Variants in ZNF783 observed in about 807,000 individuals in gnomAD.
ZNF783 encodes the protein protein ZNF783.
Under a neutral mutation model 31.3 loss-of-function variants are expected in ZNF783, and 25 were observed. That is an observed-to-expected ratio of 0.80 (90% CI 0.58 to 1.11). ZNF783 has a LOEUF of 1.11. ZNF783 is among the 50% of genes most tolerant of loss of function. ZNF783 has a pLI of 0.00. For synonymous variants in ZNF783, 369 were observed against 319.1 expected, an observed-to-expected ratio of 1.16 and a Z score of -1.66; for missense variants, 797 against 760.0, an observed-to-expected ratio of 1.05 and a Z score of -0.57.
At chr7:149,276,564 C>T (rs1183825545) in intron 4 of ZNF783, 5 of 985,274 alleles carry the variant, frequency 5.1e-6, no homozygotes, top group African/African-American at 1.7e-5. Flanking sequence ...ACTATTTTAC[C>T]TTTTGATAAC....
rs1381359233 is a variant in ZNF783 at position 149,282,006 on chromosome 7, T to C, written c.1304T>C (p.Met435Thr). The change falls in exon 6 of 6, where the codon ATG becomes ACG. Residue 435 changes from methionine to threonine, a missense_variant. Met to Thr is a moderately conservative substitution (Grantham distance 81). Coordinates refer to ENST00000434415, the MANE Select transcript of ZNF783 (RefSeq NM_001195220.2). The stretch of plus-strand genomic sequence containing the variant: ...GGGCGGCGGCCTGCAGCCAGCAAGA[T>C]GTACCACTGCAGCGAGTGCCTGCGC... Reference protein sequence around the residue: ...LVGRRPAASKMYHCSECLRFF... With the variant: ...LVGRRPAASKTYHCSECLRFF... The C allele has an allele frequency of 1.3e-6, 2 of 1,583,704 alleles. No individual in the cohort carries two copies. Among genetic ancestry groups the C allele is most frequent in the South Asian group, 1.1e-5 (1 of 89,122 alleles).
rs371143528 is a variant in ZNF783 at position 149,281,557 on chromosome 7, T to C, written c.855T>C (p.Pro285=). 352 of 1,488,240 alleles carry C rather than the reference T, an allele frequency of 2.4e-4. No homozygotes were observed. Among genetic ancestry groups the C allele is most frequent in the Non-Finnish European group, 2.9e-4 (329 of 1,132,432 alleles). 92.2% of individuals were successfully genotyped at this position (1,488,240 alleles called of 1,614,324 possible). The change falls in exon 6 of 6, where the codon CCT becomes CCC. Residue 285 remains proline (P), a synonymous_variant. Coordinates refer to ENST00000434415, the MANE Select transcript of ZNF783 (RefSeq NM_001195220.2). The stretch of plus-strand genomic sequence containing the variant: ...CACAGTCTGAAGACGAGATGACGCC[T>C]GAGCGGCTCTTTCTGGGGGTGTCCC... ...TEAQSEDEMT[P]ERLFLGVSRG...
intron 4 of ZNF783, among the ~76,000 whole-genome samples, chr7:149,274,825 G>A (rs1409239048): frequency 6.6e-6 from 1 of 152,162 alleles, no homozygotes; most frequent in African/African-American, 2.4e-5. Context: ...TTTGAAGTCA[G>A]GTAATAGATT....
At chr7:149,278,592 A>C in intron 5 of ZNF783, 65 bp downstream of exon 5, 1 of 1,590,624 alleles carries the variant, frequency 6.3e-7, no homozygotes, top group South Asian at 1.1e-5. Flanking sequence ...TCACCAAGCG[A>C]TGGTGCTGAG....
At chr7:149,272,507 TAAG>T (rs1327858296) in intron 4 of ZNF783, among the ~76,000 whole-genome samples, 1 of 152,198 alleles carries the variant, frequency 6.6e-6, no homozygotes, top group Non-Finnish European at 1.5e-5. Context: ...AGTGTAATAG[TAAG>T]AAGTCTGTCA....
At position 149,281,629 on chromosome 7, in the gene ZNF783, TG is replaced by T. The variant is rs1182394457; in HGVS notation, c.932del (p.Gly311AlafsTer50). 6.5e-6 allele frequency: 10 copies of T among 1,546,274 alleles called. No individual in the cohort carries two copies. Among genetic ancestry groups the T allele is most frequent in the Non-Finnish European group, 6.9e-6 (8 of 1,158,288 alleles). On this transcript the variant is annotated frameshift_variant, in exon 6 of 6. Transcript: ENST00000434415. LOFTEE classifies it low-confidence loss of function (END_TRUNC). ...RIPRGPRNRPGGPSRHQAQGM... is the reference protein window; with the variant it reads ...RIPRGPRNRPXGPSRHQAQGM... Reference sequence around the variant, plus strand: ...TCCCCCGAGGGCCCAGGAACAGGCCTGGGGGCCCCAGCCGTCATCAGGCCCA... The same window carrying T: ...TCCCCCGAGGGCCCAGGAACAGGCCTGGGGCCCCAGCCGTCATCAGGCCCA...
At position 149,262,459 on chromosome 7, in the gene ZNF783, C is replaced by T. The variant is rs1368990147; in HGVS notation, c.24+102C>T. On this transcript the variant is annotated intron_variant, in intron 1 of 5. Coordinates refer to ENST00000434415, the MANE Select transcript of ZNF783 (RefSeq NM_001195220.2). Reference sequence around the variant, plus strand: ...GCGCGAGGCCGCGGGGTGAGAGGGCCTTGCGCGCAGCCTCCGCGCTCGTTG... The same window carrying T: ...GCGCGAGGCCGCGGGGTGAGAGGGCTTTGCGCGCAGCCTCCGCGCTCGTTG... 3 of 986,314 alleles carry T rather than the reference C, an allele frequency of 3.0e-6. No homozygotes were observed. The African/African-American group carries it at 5.2e-5, about 17-fold the overall frequency. The allele number at this position is 986,314 out of a possible 1,614,324, so 61.1% of individuals were successfully genotyped here.
chr7:149,270,824 T>C (rs914354633), intron 4 of ZNF783, among the ~76,000 whole-genome samples: 2 of 152,230 alleles, frequency 1.3e-5, no homozygotes, highest in Admixed American at 6.5e-5. Context: ...GAGATTACAA[T>C]GTGAGTGTTA....
intron 1 of ZNF783, 55 bp from the exon 2 acceptor site, chr7:149,266,280 G>T: frequency 3.4e-6 from 5 of 1,458,728 alleles, no homozygotes; most frequent in Non-Finnish European, 3.6e-6. Flanking sequence ...TTTTGAGGTG[G>T]AAGTTTTGAT....
At chr7:149,267,757 A>G (rs1797116384) in intron 4 of ZNF783, among the ~76,000 whole-genome samples, 1 of 152,138 alleles carries the variant, frequency 6.6e-6, no homozygotes, top group South Asian at 2.1e-4. Context: ...AGATTGCGCC[A>G]CTGCACTCCA....
intron 4 of ZNF783, among the ~76,000 whole-genome samples, chr7:149,271,034 G>T (rs1390738479): frequency 6.6e-6 from 1 of 152,176 alleles, no homozygotes; most frequent in Non-Finnish European, 1.5e-5. Flanking sequence ...CACCTCCCGG[G>T]TTCATGCCAT....
At position 149,267,166 on chromosome 7, in the gene ZNF783, G is replaced by T; in HGVS notation, c.617G>T (p.Trp206Leu). The T allele has an allele frequency of 1.3e-6, 2 of 1,599,382 alleles. No individual in the cohort carries two copies. Among genetic ancestry groups the T allele is most frequent in the Non-Finnish European group, 1.7e-6 (2 of 1,179,744 alleles). Residue 206 changes from tryptophan to leucine, a missense_variant, in exon 4 of 6, where the codon TGG becomes TTG. Trp to Leu is a moderately conservative substitution (Grantham distance 61). Transcript: ENST00000434415. Reference sequence around the variant, plus strand: ...GGAGAGGAGCCTTGTCTTGACCGGTGGGGCCAGGAGAAGGGGAATGAAGTA... The same window carrying T: ...GGAGAGGAGCCTTGTCTTGACCGGTTGGGCCAGGAGAAGGGGAATGAAGTA... ...ERGEEPCLDR[W>L]GQEKGNEVEV...
Position 149,281,531 on chromosome 7 carries a change from GCA to G in ZNF783, c.832_833del (p.Gln278ValfsTer2). 1.4e-6 allele frequency: 2 copies of G among 1,460,436 alleles called. No homozygotes were observed. Among genetic ancestry groups the G allele is most frequent in the South Asian group, 1.5e-5 (1 of 68,928 alleles). 90.5% of individuals were successfully genotyped at this position (1,460,436 alleles called of 1,614,324 possible). ...TGGTGGTGTGGCCATCAAGACAGAG[GCA>G]CAGTCTGAAGACGAGATGACGCCTG... The part of the protein sequence containing the change: ...AGGGVAIKTE[A>X]QSEDEMTPER... On this transcript the variant is annotated frameshift_variant, in exon 6 of 6. Coordinates refer to ENST00000434415, the MANE Select transcript of ZNF783 (RefSeq NM_001195220.2). LOFTEE classifies it low-confidence loss of function (END_TRUNC).
rs970820149 is a variant in ZNF783, at chr7:149,274,840, C to T, written c.674-3559C>T. Among the ~76,000 whole-genome samples the T allele has an allele frequency of 2.1e-4, 32 of 152,126 alleles. 1 individual carries two copies. The highest frequency in any genetic ancestry group is 7.4e-5 in the Non-Finnish European group (5 of 68,024). ...TTTGAAGTCAGGTAATAGATTCCTCCAGTTTTGTTCTTTTTGCTTAGGATG... is the reference window on the plus strand; with the variant it reads ...TTTGAAGTCAGGTAATAGATTCCTCTAGTTTTGTTCTTTTTGCTTAGGATG... On this transcript the variant is annotated intron_variant, in intron 4 of 5. Transcript: ENST00000434415.
rs372246855 is a variant in ZNF783, at chr7:149,272,581, CTCTT to C, written c.673+5363_673+5366del. On this transcript the variant is annotated intron_variant, in intron 4 of 5. Transcript: ENST00000434415. ...GATGAGTTTTTTTTTTCCTTTAGAA[CTCTT>C]TCTATTTTAATCTCTAATTTTTATG... 3.6e-3 allele frequency among the ~76,000 whole-genome samples: 540 copies of C among 151,582 alleles called. 2 individuals carry two copies. Among genetic ancestry groups the C allele is most frequent in the African/African-American group, 0.012 (509 of 41,320 alleles).
At position 149,282,538 on chromosome 7, in the gene ZNF783, A is replaced by C. The variant is rs1426292615; in HGVS notation, c.*195A>C. ...TTGCACTCTTCGCTGCCTTTTCTGCATTCCTGACTTCTAAAAGATGCCTTA... is the reference window on the plus strand; with the variant it reads ...TTGCACTCTTCGCTGCCTTTTCTGCCTTCCTGACTTCTAAAAGATGCCTTA... On this transcript the variant is annotated 3_prime_UTR_variant, in exon 6 of 6. Coordinates refer to ENST00000434415, the MANE Select transcript of ZNF783 (RefSeq NM_001195220.2). The C allele has an allele frequency of 5.3e-6, 3 of 561,572 alleles. No homozygotes were observed. The highest frequency in any genetic ancestry group is 3.0e-6 in the Non-Finnish European group (1 of 327,918). 34.8% of individuals were successfully genotyped at this position (561,572 alleles called of 1,614,324 possible).
At position 149,282,510 on chromosome 7, in the gene ZNF783, T is replaced by G; in HGVS notation, c.*167T>G. 1 of 623,774 alleles carries G rather than the reference T, an allele frequency of 1.6e-6. No homozygotes were observed. Among genetic ancestry groups the G allele is most frequent in the Non-Finnish European group, 2.7e-6 (1 of 376,024 alleles). 38.6% of individuals were successfully genotyped at this position (623,774 alleles called of 1,614,324 possible). ...GTGTGACCGGGTGCTTTCTGTTTCCTGTTTGCACTCTTCGCTGCCTTTTCT... is the reference window on the plus strand; with the variant it reads ...GTGTGACCGGGTGCTTTCTGTTTCCGGTTTGCACTCTTCGCTGCCTTTTCT... On this transcript the variant is annotated 3_prime_UTR_variant, in exon 6 of 6. Coordinates refer to ENST00000434415, the MANE Select transcript of ZNF783 (RefSeq NM_001195220.2).
At chr7:149,274,897 G>A (rs1797291921) in intron 4 of ZNF783, among the ~76,000 whole-genome samples, 1 of 152,040 alleles carries the variant, frequency 6.6e-6, no homozygotes, top group African/African-American at 2.4e-5. Context: ...TCATGGTTCT[G>A]TATACACTTT....
chr7:149,267,912 A>G (rs1797121061), intron 4 of ZNF783, among the ~76,000 whole-genome samples: 1 of 152,072 alleles, frequency 6.6e-6, no homozygotes, highest in South Asian at 2.1e-4. Flanking sequence ...GCAGTCCCAC[A>G]ACCCCAGCCT....
Sources: allele counts gnomAD v4.1 joint callset (sites outside exome capture counted in the v4.1 genomes callset), GRCh38; gene constraint gnomAD v4.1.1; transcripts MANE v1.5; gene names NCBI Gene and HGNC (gene_info 2026-07-23, HGNC 2026-07-21).